Variants in GUCY1A2 observed in about 807,000 individuals in gnomAD.
GUCY1A2 encodes guanylate cyclase 1 soluble subunit alpha 2.
A neutral mutation model predicts 63.5 loss-of-function variants in GUCY1A2; 27 were observed. The ratio of observed to expected loss-of-function variants is 0.43; its 90% CI spans 0.31 to 0.59. The LOEUF is 0.59. Among genes scored for constraint, GUCY1A2 ranks in the 20% least tolerant of loss-of-function variants. GUCY1A2 has a pLI of 0.11. For synonymous variants in GUCY1A2, 364 were observed against 343.5 expected (o/e 1.06, Z -0.66); for missense variants, 768 against 913.3 (o/e 0.84, Z 2.05).
At chr11:106,793,767 T>A (rs962446713) in intron 5 of GUCY1A2, among the ~76,000 whole-genome samples, 1 of 151,876 alleles carries the variant, frequency 6.6e-6, no homozygotes, top group Non-Finnish European at 1.5e-5. Flanking sequence ...AAATTAGTAA[T>A]CATAAGGGAA....
chr11:107,017,043 A>AT (rs1266420798), intron 1 of GUCY1A2, among the ~76,000 whole-genome samples: 2 of 146,110 alleles, frequency 1.4e-5, no homozygotes, highest in East Asian at 1.9e-4. Context: ...ATTAAATTTA[A>AT]TTTAAAAAAA....
In GUCY1A2 at chr11:106,684,233, A is replaced by C. The variant is rs1406534810; in HGVS notation, c.*3316T>G. On this transcript the variant is annotated 3_prime_UTR_variant, in exon 8 of 8. Coordinates refer to ENST00000526355, the MANE Select transcript of GUCY1A2 (RefSeq NM_000855.3). ...AGTCTCAGGCATCAATGTCTGTCTC[A>C]GAGTCCCAGATCAAAGCTCACTTGA... is the stretch of plus-strand genomic sequence containing the variant. The C allele has an allele frequency of 3.3e-5, 6 of 183,966 alleles. No individual in the cohort carries two copies. Among genetic ancestry groups the C allele is most frequent in the Admixed American group, 1.3e-4 (2 of 16,000 alleles). The allele number at this position is 183,966 out of a possible 1,614,324, so 11.4% of individuals were successfully genotyped here. A position where few individuals can be genotyped will look rare whatever the true frequency, so the allele number is the denominator to read the frequency against.
At chr11:106,736,576 C>T (rs1316190043) in intron 6 of GUCY1A2, among the ~76,000 whole-genome samples, 1 of 152,020 alleles carries the variant, frequency 6.6e-6, no homozygotes, top group East Asian at 1.9e-4. Flanking sequence ...TTTCTCCAGT[C>T]TTATTCTTTT....
chr11:106,903,340 A>G (rs2119834405), intron 4 of GUCY1A2, among the ~76,000 whole-genome samples: 1 of 152,258 alleles, frequency 6.6e-6, no homozygotes, highest in South Asian at 2.1e-4. Context: ...TCTTGATTCA[A>G]TTTACTTTGA....
intron 6 of GUCY1A2, among the ~76,000 whole-genome samples, chr11:106,769,171 G>A (rs533882757): frequency 4.6e-5 from 7 of 152,164 alleles, no homozygotes; most frequent in Non-Finnish European, 8.8e-5. Flanking sequence ...CAGGAAACAA[G>A]TAACATGACT....
At chr11:106,739,096 A>G (rs2200658) in intron 6 of GUCY1A2, among the ~76,000 whole-genome samples, 44 of 151,976 alleles carry the variant, frequency 2.9e-4, no homozygotes, top group African/African-American at 8.4e-4. Flanking sequence ...TCTCCCTGAA[A>G]AGGTCCTTCA....
chr11:106,751,503 C>A (rs538008968), intron 6 of GUCY1A2, among the ~76,000 whole-genome samples: 1 of 150,954 alleles, frequency 6.6e-6, no homozygotes, highest in South Asian at 2.1e-4. Flanking sequence ...GACACAGGAC[C>A]AGGTTTTCAA....
intron 1 of GUCY1A2, among the ~76,000 whole-genome samples, chr11:106,986,783 G>A (rs17106277): frequency 0.063 from 9,554 of 152,160 alleles, 816 homozygotes; most frequent in East Asian, 0.3. Context: ...CATGTCCCAA[G>A]AGAATTCAAG....
chr11:106,990,600 T>C (rs146729526), intron 1 of GUCY1A2, among the ~76,000 whole-genome samples: 2,425 of 152,354 alleles, frequency 0.016, 32 homozygotes, highest in South Asian at 0.048. Flanking sequence ...TGTGTGTGTG[T>C]GCGCGCACGC....
At chr11:106,951,062 G>C (rs1860901452) in intron 3 of GUCY1A2, among the ~76,000 whole-genome samples, 1 of 152,152 alleles carries the variant, frequency 6.6e-6, no homozygotes, top group African/African-American at 2.4e-5. Context: ...CCCTGCAAAG[G>C]ACATGATCTC....
At chr11:106,985,641 G>A (rs1861391494) in intron 2 of GUCY1A2, among the ~76,000 whole-genome samples, 1 of 152,182 alleles carries the variant, frequency 6.6e-6, no homozygotes, top group Admixed American at 6.5e-5. Context: ...TGTAGCACGT[G>A]ACTCTAAGTA....
chr11:106,768,587 A>G (rs1000830998), intron 6 of GUCY1A2, among the ~76,000 whole-genome samples: 3 of 152,140 alleles, frequency 2.0e-5, no homozygotes, highest in Non-Finnish European at 4.4e-5. Context: ...CAAACTGGAA[A>G]TAATAGCAAT....
At position 106,839,474 on chromosome 11, in the gene GUCY1A2, A is replaced by G. The variant is rs531442928; in HGVS notation, c.1207-28996T>C. On this transcript the variant is annotated intron_variant, in intron 4 of 7. Coordinates refer to ENST00000526355, the MANE Select transcript of GUCY1A2 (RefSeq NM_000855.3). ...GGCAATTCCTCCGGGATCTAGAACT[A>G]GAAATACCATTTGACCCAGCCATCC... 6.6e-5 allele frequency among the ~76,000 whole-genome samples: 10 copies of G among 152,182 alleles called. No homozygotes were observed. In the South Asian group the frequency reaches 2.1e-3, roughly 32 times the overall value.
At chr11:106,788,807 CTG>C (rs1864610141) in intron 5 of GUCY1A2, among the ~76,000 whole-genome samples, 1 of 152,092 alleles carries the variant, frequency 6.6e-6, no homozygotes, top group South Asian at 2.1e-4. Flanking sequence ...TACTATAGCT[CTG>C]TAGTATAATT....
chr11:106,772,475 A>G (rs1864275033), intron 6 of GUCY1A2, among the ~76,000 whole-genome samples: 2 of 152,162 alleles, frequency 1.3e-5, no homozygotes, highest in South Asian at 4.1e-4. Context: ...ATGATGAAAA[A>G]TAATCCCAAA....
intron 4 of GUCY1A2, among the ~76,000 whole-genome samples, chr11:106,873,497 G>T (rs2135465969): frequency 6.6e-6 from 1 of 152,242 alleles, no homozygotes; most frequent in East Asian, 1.9e-4. Flanking sequence ...GTGTGGTTTT[G>T]ATTTGCATTT....
At chr11:106,875,942 CA>C (rs1202225392) in intron 4 of GUCY1A2, among the ~76,000 whole-genome samples, 1 of 151,920 alleles carries the variant, frequency 6.6e-6, no homozygotes, top group African/African-American at 2.4e-5. Flanking sequence ...TTTGGACCAT[CA>C]AAAACCACAT....
At chr11:106,732,483 T>C (rs576546120) in intron 6 of GUCY1A2, among the ~76,000 whole-genome samples, 4 of 152,148 alleles carry the variant, frequency 2.6e-5, no homozygotes, top group Non-Finnish European at 5.9e-5. Context: ...TAAGACAAAA[T>C]GGAATATTTA....
chr11:106,716,791 AAAAGAT>A (rs1169549427), intron 6 of GUCY1A2, among the ~76,000 whole-genome samples: 8,874 of 143,886 alleles, frequency 0.062, 612 homozygotes, highest in African/African-American at 0.1. Flanking sequence ...AAAAAAAAAA[AAAAGAT>A]AAGAGTAAAT....
Sources: allele counts gnomAD v4.1 joint callset (sites outside exome capture counted in the v4.1 genomes callset), GRCh38; gene constraint gnomAD v4.1.1; transcripts MANE v1.5; gene names NCBI Gene and HGNC (gene_info 2026-07-23, HGNC 2026-07-21).